The following NALF1 variants were observed in gnomAD, a reference collection of about 807,000 sequenced individuals.
The protein encoded by NALF1 is NALCN channel auxiliary factor 1, also known as family with sequence similarity 155 member A.
In NALF1, 3 loss-of-function variants were observed where a neutral mutation model predicts 48.4. The ratio of observed to expected loss-of-function variants is 0.06; its 90% CI spans 0.03 to 0.16. NALF1 has a LOEUF of 0.16. Among genes scored for constraint, NALF1 ranks in the 10% least tolerant of loss-of-function variants. NALF1 has a pLI of 1.00. For missense variants in NALF1, 526 were observed against 571.5 expected (o/e 0.92, Z 0.81); for synonymous variants, 262 against 245.7 (o/e 1.07, Z -0.62).
chr13:107,647,872 T>G (rs887516932), intron 1 of NALF1, among the ~76,000 whole-genome samples: 2 of 152,256 alleles, frequency 1.3e-5, no homozygotes, highest in East Asian at 1.9e-4. Flanking sequence ...ATATGTTATT[T>G]CAAAACTGAT....
At position 107,659,802 on chromosome 13, in the gene NALF1, T is replaced by C. The variant is rs558373512; in HGVS notation, c.915+205880A>G. Among the ~76,000 whole-genome samples the C allele has an allele frequency of 2.0e-5, 3 of 147,892 alleles. No homozygotes were observed. In the East Asian group the frequency reaches 6.1e-4, roughly 30 times the overall value. On this transcript the variant is annotated intron_variant, in intron 1 of 2. Coordinates refer to ENST00000375915, the MANE Select transcript of NALF1 (RefSeq NM_001080396.3). The stretch of plus-strand genomic sequence containing the variant: ...TCCCTCACTTTTAAAAAAGTATAAA[T>C]TGCCAAACATTTTCTTTTTTTTTTT...
chr13:107,739,802 C>T (rs1876580669), intron 1 of NALF1, among the ~76,000 whole-genome samples: 1 of 152,180 alleles, frequency 6.6e-6, no homozygotes, highest in East Asian at 1.9e-4. Flanking sequence ...CTGAGCTCTG[C>T]ATCCTGTCGC....
At chr13:107,782,033 CCCTCTCCCT>C (rs1370173090) in intron 1 of NALF1, among the ~76,000 whole-genome samples, 1 of 152,106 alleles carries the variant, frequency 6.6e-6, no homozygotes, top group Admixed American at 6.5e-5. Flanking sequence ...CTCTCCCTCT[CCCTCTCCCT>C]CCTCTCCCTC....
chr13:107,190,046 T>C lies in NALF1; in HGVS notation c.1088-19260A>G, dbSNP rs186584871. Among the ~76,000 whole-genome samples, 6 of 152,328 alleles carry C rather than the reference T, an allele frequency of 3.9e-5. No homozygotes were observed. In the East Asian group the frequency reaches 1.2e-3, roughly 29 times the overall value. ...CTCCTTATATTTATTTTTGTTATTT[T>C]CCTCTGTGAAATGGCACTGAGGGGT... On this transcript the variant is annotated intron_variant, in intron 2 of 2. Coordinates refer to ENST00000375915, the MANE Select transcript of NALF1 (RefSeq NM_001080396.3).
In NALF1 at chr13:107,631,793, T is replaced by C. The variant is rs544175377; in HGVS notation, c.915+233889A>G. On this transcript the variant is annotated intron_variant, in intron 1 of 2. Coordinates refer to ENST00000375915, the MANE Select transcript of NALF1 (RefSeq NM_001080396.3). Reference sequence around the variant, plus strand: ...AATTCATCTCACTTGATGCAGATTATATATATAGCCAGAAATATTAGAAGT... The same window carrying C: ...AATTCATCTCACTTGATGCAGATTACATATATAGCCAGAAATATTAGAAGT... Among the ~76,000 whole-genome samples, 21 of 152,248 alleles carry C rather than the reference T, an allele frequency of 1.4e-4. No homozygotes were observed. The South Asian group carries it at 4.1e-3, about 30-fold the overall frequency.
intron 1 of NALF1, among the ~76,000 whole-genome samples, chr13:107,307,165 G>C (rs990887594): frequency 6.6e-6 from 1 of 152,120 alleles, no homozygotes; most frequent in Admixed American, 6.6e-5. Context: ...TTAATTGAAA[G>C]TGTGCCCACA....
intron 1 of NALF1, among the ~76,000 whole-genome samples, chr13:107,230,390 G>T (rs1437081524): frequency 6.6e-6 from 1 of 151,930 alleles, no homozygotes; most frequent in Non-Finnish European, 1.5e-5. Flanking sequence ...CTATGCATAG[G>T]AGCTAAAAGC....
chr13:107,418,584 T>G (rs777494597), intron 1 of NALF1, among the ~76,000 whole-genome samples: 4 of 152,158 alleles, frequency 2.6e-5, no homozygotes, highest in African/African-American at 4.8e-5. Flanking sequence ...CTGAGGTACA[T>G]GTGCAGGTGT....
At chr13:107,836,191 A>G (rs1219597065) in intron 1 of NALF1, among the ~76,000 whole-genome samples, 2 of 152,008 alleles carry the variant, frequency 1.3e-5, no homozygotes, top group African/African-American at 2.4e-5. Flanking sequence ...GGGTTTCATC[A>G]TGTTTCCCAG....
At chr13:107,759,473 G>T (rs1419120707) in intron 1 of NALF1, among the ~76,000 whole-genome samples, 1 of 152,182 alleles carries the variant, frequency 6.6e-6, no homozygotes, top group East Asian at 1.9e-4. Flanking sequence ...TTCCCACAGT[G>T]CTGGGATTAC....
chr13:107,335,279 G>C (rs1270974125), intron 1 of NALF1, among the ~76,000 whole-genome samples: 1 of 152,132 alleles, frequency 6.6e-6, no homozygotes, highest in African/African-American at 2.4e-5. Flanking sequence ...GAGAACATCA[G>C]ATTCCTCAGG....
intron 1 of NALF1, among the ~76,000 whole-genome samples, chr13:107,674,750 A>G (rs1881071728): frequency 6.6e-6 from 1 of 152,200 alleles, no homozygotes; most frequent in African/African-American, 2.4e-5. Flanking sequence ...AGACCATAAA[A>G]CACCATTTCA....
Position 107,498,424 on chromosome 13 carries a change from C to T in NALF1, c.916-287669G>A, listed in dbSNP as rs528027215. ...GCCCTGGAGATGTCTGCTTTCCTGT[C>T]ATTGTTAAAAAATGGCTTTGGATTC... On this transcript the variant is annotated intron_variant, in intron 1 of 2. Transcript: ENST00000375915. 1.0e-3 allele frequency among the ~76,000 whole-genome samples: 152 copies of T among 152,152 alleles called. 2 individuals are homozygous for T. Among genetic ancestry groups the T allele is most frequent in the African/African-American group, 3.4e-3 (141 of 41,524 alleles).
chr13:107,566,797 G>A (rs1456006493), intron 1 of NALF1, among the ~76,000 whole-genome samples: 1 of 152,138 alleles, frequency 6.6e-6, no homozygotes, highest in African/African-American at 2.4e-5. Context: ...TGTGAACAGA[G>A]TGGATTTGAC....
At chr13:107,550,805 C>T (rs1233012917) in intron 1 of NALF1, among the ~76,000 whole-genome samples, 2 of 151,896 alleles carry the variant, frequency 1.3e-5, no homozygotes, top group Non-Finnish European at 2.9e-5. Context: ...AGTTTAGGTC[C>T]TGGCTCAGGT....
chr13:107,495,979 G>C (rs1875321450), intron 1 of NALF1, among the ~76,000 whole-genome samples: 1 of 151,866 alleles, frequency 6.6e-6, no homozygotes, highest in Non-Finnish European at 1.5e-5. Flanking sequence ...TTATGTGTAG[G>C]TTATGAAAAA....
intron 1 of NALF1, among the ~76,000 whole-genome samples, chr13:107,428,700 T>C (rs1884323799): frequency 6.6e-6 from 1 of 152,310 alleles, no homozygotes; most frequent in East Asian, 1.9e-4. Context: ...AAAAACACCT[T>C]TACCTCTAGC....
intron 1 of NALF1, among the ~76,000 whole-genome samples, chr13:107,392,349 G>C (rs979560302): frequency 6.6e-6 from 1 of 152,046 alleles, no homozygotes; most frequent in Admixed American, 6.6e-5. Flanking sequence ...TCAGTCCCAG[G>C]AAACAGGAAG....
At chr13:107,354,156 T>C (rs1368321423) in intron 1 of NALF1, among the ~76,000 whole-genome samples, 5 of 152,220 alleles carry the variant, frequency 3.3e-5, no homozygotes, top group Non-Finnish European at 7.3e-5. Flanking sequence ...CATTTTATTT[T>C]GTTTACTTAC....
Sources: allele counts gnomAD v4.1 joint callset (sites outside exome capture counted in the v4.1 genomes callset), GRCh38; gene constraint gnomAD v4.1.1; transcripts MANE v1.5; gene names NCBI Gene and HGNC (gene_info 2026-07-23, HGNC 2026-07-21).